Variants in LTF observed in about 807,000 individuals in gnomAD.
The protein encoded by LTF is epididymis luminal protein 110.
Under a neutral mutation model 87.2 loss-of-function variants are expected in LTF, and 91 were observed. The observed-to-expected ratio is 1.04, with a 90% CI of 0.88 to 1.24. The LOEUF is 1.24. Among genes scored for constraint, LTF ranks in the 50% most tolerant of loss-of-function variants. LTF has a pLI of 0.00. For synonymous variants in LTF, 378 were observed against 356.1 expected, an observed-to-expected ratio of 1.06 and a Z score of -0.69; for missense variants, 901 against 904.3, an observed-to-expected ratio of 1.00 and a Z score of 0.05.
In LTF at chr3:46,441,096, G is replaced by C. The variant is rs112051463; in HGVS notation, c.1723+320C>G. 4.5e-3 allele frequency among the ~76,000 whole-genome samples: 682 copies of C among 152,286 alleles called. 4 individuals are homozygous for C. The highest frequency in any genetic ancestry group is 0.015 in the African/African-American group (621 of 41,542). On this transcript the variant is annotated intron_variant, in intron 14 of 16. Coordinates refer to ENST00000231751, the MANE Select transcript of LTF (RefSeq NM_002343.6). Reference sequence around the variant, plus strand: ...ATGCATGATCTCATGTGGGCAGACAGTGTGTTTCTGTGGTTGACTAGAGGA... The same window carrying C: ...ATGCATGATCTCATGTGGGCAGACACTGTGTTTCTGTGGTTGACTAGAGGA...
rs368908092 is a variant in LTF at position 46,436,159 on chromosome 3, A to G, written c.*36T>C. The G allele has an allele frequency of 7.4e-6, 12 of 1,612,344 alleles. No homozygotes were observed. In the African/African-American group the frequency reaches 1.3e-4, roughly 18 times the overall value. Reference sequence around the variant, plus strand: ...AAGAGCTGGGGGCAGTGAATGGCTGAGGCTTTCTTGGGGAGCTGGGCCATC... The same window carrying G: ...AAGAGCTGGGGGCAGTGAATGGCTGGGGCTTTCTTGGGGAGCTGGGCCATC... On this transcript the variant is annotated 3_prime_UTR_variant, in exon 17 of 17. Transcript: ENST00000231751.
chr3:46,482,990 T>C (rs895708896), intron 1 of LTF, among the ~76,000 whole-genome samples: 1 of 152,248 alleles, frequency 6.6e-6, no homozygotes, highest in Non-Finnish European at 1.5e-5. Context: ...CCCTGATTTG[T>C]AGCATTTGCC....
chr3:46,447,777 G>A (rs987549796), intron 9 of LTF, among the ~76,000 whole-genome samples: 8 of 152,046 alleles, frequency 5.3e-5, no homozygotes, highest in Admixed American at 2.0e-4. Flanking sequence ...CACTCCAAGC[G>A]CTACACAGAA....
chr3:46,459,884 C>G, intron 1 of LTF, 65 bp from the exon 2 acceptor site: 2 of 1,249,862 alleles, frequency 1.6e-6, no homozygotes, highest in Non-Finnish European at 2.1e-6. Flanking sequence ...ACCGCACCCT[C>G]TGATGGAGTT....
At chr3:46,470,458 G>C (rs903745929) in exon 2 of LTF, 1 of 152,378 alleles carries the variant, frequency 6.6e-6, no homozygotes, top group Non-Finnish European at 1.5e-5. Context: ...TGTGTCTGCT[G>C]TCTGTGTCCT....
intron 1 of LTF, among the ~76,000 whole-genome samples, chr3:46,476,275 C>G (rs1703358683): frequency 6.6e-6 from 1 of 152,184 alleles, no homozygotes. Flanking sequence ...AAGCTTTCAA[C>G]ATTGTCCCCA....
upstream of LTF, among the ~76,000 whole-genome samples, chr3:46,467,911 T>C (rs2106913732): frequency 6.6e-6 from 1 of 152,290 alleles, no homozygotes; most frequent in South Asian, 2.1e-4. Context: ...GGAAAGGTAC[T>C]CTTGCAGGTC....
At chr3:46,449,130 A>C (rs550845335) in intron 8 of LTF, 113 bp from the exon 9 acceptor site, 3 of 926,448 alleles carry the variant, frequency 3.2e-6, no homozygotes, top group South Asian at 1.7e-5. Context: ...GCTACAGTAC[A>C]TGTGTGGACA....
At chr3:46,474,362 G>C (rs1575328025) in intron 1 of LTF, among the ~76,000 whole-genome samples, 1 of 152,172 alleles carries the variant, frequency 6.6e-6, no homozygotes, top group Admixed American at 6.5e-5. Context: ...ATTAGGGGCA[G>C]AAAGAAACAT....
intron 6 of LTF, chr3:46,454,035 T>C: frequency 2.1e-6 from 1 of 477,886 alleles, no homozygotes; most frequent in Non-Finnish European, 3.8e-6. Context: ...CTGTTCTGCA[T>C]GAGCACATGT....
intron 12 of LTF, among the ~76,000 whole-genome samples, chr3:46,444,729 A>G (rs980112231): frequency 2.0e-5 from 3 of 152,218 alleles, no homozygotes; most frequent in African/African-American, 7.2e-5. Context: ...GCTACACACC[A>G]TGCCACGGGG....
intron 12 of LTF, 36 bp downstream of exon 12, chr3:46,445,244 AG>A: frequency 6.3e-7 from 1 of 1,575,870 alleles, no homozygotes; most frequent in South Asian, 1.2e-5. Flanking sequence ...CCTACCCTCC[AG>A]GGTGGCCCAC....
chr3:46,439,289 T>TCC lies in LTF; in HGVS notation c.1908+5_1908+6dup. ...TAAGAAAGCACTAGAAGCCCTGTGG[T>TCC]CCATACCTGTTGGTGGAGCAACACC... On this transcript the variant is annotated splice_region_variant and intron_variant, in intron 15 of 16. Transcript: ENST00000231751. 6.2e-7 allele frequency: 1 copy of TCC among 1,606,736 alleles called. No homozygotes were observed. The highest frequency in any genetic ancestry group is 2.2e-5 in the East Asian group (1 of 44,858).
At chr3:46,458,057 T>C (rs1005517483) in intron 2 of LTF, among the ~76,000 whole-genome samples, 1 of 152,152 alleles carries the variant, frequency 6.6e-6, no homozygotes, top group Non-Finnish European at 1.5e-5. Context: ...GTGCTGGGAT[T>C]ACAGATGTGA....
chr3:46,481,585 T>C (rs1703432377), intron 1 of LTF, among the ~76,000 whole-genome samples: 1 of 152,186 alleles, frequency 6.6e-6, no homozygotes. Context: ...ACCCCATCTC[T>C]ACTAAAGATA....
In LTF at chr3:46,455,365, C is replaced by T. The variant is rs1702902313; in HGVS notation, c.577G>A (p.Ala193Thr). 1.9e-6 allele frequency: 3 copies of T among 1,614,240 alleles called. No homozygotes were observed. Among genetic ancestry groups the T allele is most frequent in the African/African-American group, 2.7e-5 (2 of 75,068 alleles). ...GCACATTTGTTTTCCCCTGTCCCCGCACACAGGCGACACAGGTTGGGGAAC... is the reference window on the plus strand; with the variant it reads ...GCACATTTGTTTTCCCCTGTCCCCGTACACAGGCGACACAGGTTGGGGAAC... ...GQFPNLCRLC[A>T]GTGENKCAFS... is the part of the protein sequence containing the mutation. The change falls in exon 5 of 17, where the codon GCG becomes ACG. Residue 193 changes from alanine to threonine, a missense_variant. Transcript: ENST00000231751.
intron 1 of LTF, among the ~76,000 whole-genome samples, chr3:46,464,101 C>A (rs924717525): frequency 6.6e-6 from 1 of 152,202 alleles, no homozygotes; most frequent in African/African-American, 2.4e-5. Flanking sequence ...CCTCCCGGTG[C>A]TGCAGGGAGC....
chr3:46,472,960 T>C (rs1036899225), intron 1 of LTF, among the ~76,000 whole-genome samples: 25 of 152,282 alleles, frequency 1.6e-4, no homozygotes, highest in Admixed American at 4.6e-4. Context: ...TCTAGGTCAA[T>C]ACATGTGTGT....
chr3:46,464,920 C>T (rs1419569510), upstream of LTF: 4 of 1,581,152 alleles, frequency 2.5e-6, 1 homozygote, highest in Non-Finnish European at 3.5e-6. Flanking sequence ...CTTGCGCCTG[C>T]CCTGCGCCCC....
Sources: gnomAD v4.1 joint callset for allele counts (sites outside exome capture counted in the v4.1 genomes callset) on GRCh38, gnomAD v4.1.1 for gene constraint, MANE v1.5 for transcripts, NCBI Gene and HGNC (gene_info 2026-07-23, HGNC 2026-07-21) for gene names.